ATRNL1: variants seen among roughly 807,000 people sequenced by gnomAD.
The protein encoded by ATRNL1 is attractin like 1, also known as attractin-like protein 1.
ATRNL1 carries 95 observed loss-of-function variants against 182.7 expected under a neutral mutation model. The ratio of observed to expected loss-of-function variants is 0.52; its 90% CI spans 0.44 to 0.62. The LOEUF (loss-of-function observed/expected upper bound fraction) is 0.62, where lower values mean the gene tolerates loss of function less well. Ranked by LOEUF, ATRNL1 falls within the 20% of genes least tolerant of loss-of-function variation. The pLI, the probability that ATRNL1 is intolerant of heterozygous loss-of-function variation, is 0.00. For synonymous variants in ATRNL1, 576 were observed against 568.3 expected (o/e 1.01, Z -0.19); for missense variants, 1,471 against 1,679.5 (o/e 0.88, Z 2.17).
intron 28 of ATRNL1, among the ~76,000 whole-genome samples, chr10:115,906,783 C>T (rs1952516120): frequency 6.6e-6 from 1 of 152,008 alleles, no homozygotes; most frequent in Admixed American, 6.6e-5. Flanking sequence ...ACAGTGAAGG[C>T]CATATAATTG....
At chr10:115,674,973 A>G (rs12257186) in intron 26 of ATRNL1, among the ~76,000 whole-genome samples, 1,807 of 152,216 alleles carry the variant, frequency 0.012, 34 homozygotes, top group African/African-American at 0.041. Flanking sequence ...CTAAAACCTT[A>G]GTGATAGTGT....
intron 19 of ATRNL1, among the ~76,000 whole-genome samples, chr10:115,390,316 T>G (rs1162212442): frequency 6.6e-6 from 1 of 152,218 alleles, no homozygotes; most frequent in Non-Finnish European, 1.5e-5. Context: ...TCTACAGTTT[T>G]GGGACTTACC....
intron 10 of ATRNL1, among the ~76,000 whole-genome samples, chr10:115,253,698 A>G (rs1465298401): frequency 1.1e-4 from 16 of 151,996 alleles, no homozygotes; most frequent in Non-Finnish European, 1.3e-4. Context: ...TGCTGCACCC[A>G]TCAGCTCATC....
chr10:115,392,457 G>A (rs1844076471), intron 19 of ATRNL1, among the ~76,000 whole-genome samples: 1 of 152,084 alleles, frequency 6.6e-6, no homozygotes, highest in Non-Finnish European at 1.5e-5. Context: ...AACTTGTCTA[G>A]ATCAGATAAA....
intron 26 of ATRNL1, among the ~76,000 whole-genome samples, chr10:115,726,968 G>A (rs202001821): frequency 1.3e-5 from 2 of 151,646 alleles, no homozygotes; most frequent in African/African-American, 4.9e-5. Context: ...CCTCTCACCC[G>A]AGGCTTTCAG....
chr10:115,941,478 A>G (rs1953728781), intron 28 of ATRNL1, among the ~76,000 whole-genome samples: 1 of 152,198 alleles, frequency 6.6e-6, no homozygotes, highest in South Asian at 2.1e-4. Context: ...TATCTTCTGT[A>G]ATGAAAACAT....
intron 9 of ATRNL1, among the ~76,000 whole-genome samples, chr10:115,216,467 A>G (rs2144410429): frequency 6.6e-6 from 1 of 152,270 alleles, no homozygotes; most frequent in African/African-American, 2.4e-5. Flanking sequence ...TGTGAATAGT[A>G]TTTTAATGTG....
intron 8 of ATRNL1, among the ~76,000 whole-genome samples, chr10:115,197,067 A>G (rs1848389581): frequency 6.6e-6 from 1 of 151,914 alleles, no homozygotes; most frequent in African/African-American, 2.4e-5. Flanking sequence ...TAGTTTGTTT[A>G]GTTTTTTTCA....
At chr10:115,504,644 G>A (rs889823049) in intron 24 of ATRNL1, among the ~76,000 whole-genome samples, 3 of 151,980 alleles carry the variant, frequency 2.0e-5, no homozygotes, top group South Asian at 2.1e-4. Flanking sequence ...ATGTATGCTG[G>A]CAATTCTTAA....
intron 27 of ATRNL1, among the ~76,000 whole-genome samples, chr10:115,796,011 T>C (rs1158292075): frequency 3.9e-5 from 6 of 152,012 alleles, no homozygotes; most frequent in Admixed American, 3.3e-4. Flanking sequence ...CTAGCTTCCC[T>C]CCTCACTCTG....
At chr10:115,220,046 C>CT (rs112172478) in intron 9 of ATRNL1, among the ~76,000 whole-genome samples, 24 of 152,274 alleles carry the variant, frequency 1.6e-4, no homozygotes, top group African/African-American at 5.5e-4. Context: ...ACCAAGGTGA[C>CT]TTATTAATTC....
chr10:115,191,544 T>C (rs1419211850), intron 8 of ATRNL1, among the ~76,000 whole-genome samples: 1 of 152,110 alleles, frequency 6.6e-6, no homozygotes, highest in Non-Finnish European at 1.5e-5. Flanking sequence ...CTCAATTGAA[T>C]TGTAATCCCC....
intron 24 of ATRNL1, among the ~76,000 whole-genome samples, chr10:115,502,226 C>T (rs907328476): frequency 7.9e-5 from 12 of 152,020 alleles, no homozygotes; most frequent in African/African-American, 2.9e-4. Flanking sequence ...CCATTTTGTA[C>T]TTGACAATGC....
chr10:115,440,931 C>T (rs534687138), intron 21 of ATRNL1, among the ~76,000 whole-genome samples: 1 of 151,946 alleles, frequency 6.6e-6, no homozygotes, highest in African/African-American at 2.4e-5. Context: ...TTATCTGCAC[C>T]AGCTAATAAT....
rs1414957953 is a variant in ATRNL1 at position 115,364,425 on chromosome 10, A to G, written c.3175+30006A>G. Among the ~76,000 whole-genome samples, 15 of 147,458 alleles carry G rather than the reference A, an allele frequency of 1.0e-4. No homozygotes were observed. The East Asian group carries it at 2.4e-3, about 23-fold the overall frequency. On this transcript the variant is annotated intron_variant, in intron 19 of 28. Transcript: ENST00000355044. ...CAGCTTAAGGAGATTTTGGGCTGAG[A>G]CAATGGGGTTTTCTAGATATACAAT... is the stretch of plus-strand genomic sequence containing the variant.
At chr10:115,771,397 A>AT (rs781916300) in intron 27 of ATRNL1, among the ~76,000 whole-genome samples, 60 of 151,866 alleles carry the variant, frequency 4.0e-4, no homozygotes, top group Non-Finnish European at 7.2e-4. Flanking sequence ...CACCTGGCTA[A>AT]TTTTTTGTAT....
rs377630976 is a variant in ATRNL1, at chr10:115,372,130, G to T, written c.3176-22529G>T. Among the ~76,000 whole-genome samples, 109 of 152,226 alleles carry T rather than the reference G, an allele frequency of 7.2e-4. 2 individuals carry two copies. In the South Asian group the frequency reaches 0.021, roughly 30 times the overall value. Reference sequence around the variant, plus strand: ...ATTAAACCTCTTTCTTTTGTAAATTGCTCCCAGTCTTGAGTATGTCTTTAT... The same window carrying T: ...ATTAAACCTCTTTCTTTTGTAAATTTCTCCCAGTCTTGAGTATGTCTTTAT... On this transcript the variant is annotated intron_variant, in intron 19 of 28. Transcript: ENST00000355044.
At chr10:115,373,898 A>G (rs1857523178) in intron 19 of ATRNL1, among the ~76,000 whole-genome samples, 1 of 151,878 alleles carries the variant, frequency 6.6e-6, no homozygotes, top group Non-Finnish European at 1.5e-5. Flanking sequence ...GAGTTTGGAA[A>G]CATTTCCTAT....
intron 27 of ATRNL1, among the ~76,000 whole-genome samples, chr10:115,815,016 G>A (rs1555088139): frequency 6.6e-6 from 1 of 152,142 alleles, no homozygotes. Flanking sequence ...GATCAAGTTA[G>A]AAGAAAATCT....
Sources: allele counts gnomAD v4.1 joint callset (sites outside exome capture counted in the v4.1 genomes callset), GRCh38; gene constraint gnomAD v4.1.1; transcripts MANE v1.5; gene names NCBI Gene and HGNC (gene_info 2026-07-23, HGNC 2026-07-21).